SLC44A1: variants seen among roughly 807,000 people sequenced by gnomAD.
The protein encoded by SLC44A1 is choline transporter-like protein 1.
Under a neutral mutation model 79.3 loss-of-function variants are expected in SLC44A1, and 26 were observed. The ratio of observed to expected loss-of-function variants is 0.33; its 90% CI spans 0.24 to 0.46. The LOEUF (loss-of-function observed/expected upper bound fraction) is 0.46, where lower values mean the gene tolerates loss of function less well. Among genes scored for constraint, SLC44A1 ranks in the 20% least tolerant of loss-of-function variants. SLC44A1 has a pLI of 1.00. For synonymous variants in SLC44A1, 263 were observed against 286.2 expected (o/e 0.92, Z 0.82); for missense variants, 688 against 798.1 (o/e 0.86, Z 1.66).
At chr9:105,321,785 C>A (rs1826400306) in intron 3 of SLC44A1, among the ~76,000 whole-genome samples, 1 of 149,626 alleles carries the variant, frequency 6.7e-6, no homozygotes. Context: ...ATATGTGGGA[C>A]CAAATACAGA....
chr9:105,288,173 A>G (rs1428364174), intron 1 of SLC44A1, among the ~76,000 whole-genome samples: 3 of 152,206 alleles, frequency 2.0e-5, no homozygotes, highest in African/African-American at 7.2e-5. Context: ...TGTTTCTAAC[A>G]CAACTGTTTA....
At position 105,396,018 on chromosome 9, in the gene SLC44A1, A is replaced by G; in HGVS notation, c.*6962A>G. 1.0e-6 allele frequency: 1 copy of G among 984,934 alleles called. No homozygotes were observed. Among genetic ancestry groups the G allele is most frequent in the Non-Finnish European group, 1.2e-6 (1 of 829,888 alleles). 61.0% of individuals were successfully genotyped at this position (984,934 alleles called of 1,614,324 possible). The stretch of plus-strand genomic sequence containing the variant: ...TTAAGTAGATTTTCCCCCATCCTCT[A>G]GGTTCCTGTAGTCTGTGCTCAGAAC... On this transcript the variant is annotated 3_prime_UTR_variant, in exon 16 of 16. Transcript: ENST00000374720.
At position 105,293,615 on chromosome 9, in the gene SLC44A1, C is replaced by T. The variant is rs189237205; in HGVS notation, c.37-5605C>T. ...CCTTTTCTACTTAATTGGCCCCTGGCGTTGGCCCACCCTGCCTGCCATATC... is the reference window on the plus strand; with the variant it reads ...CCTTTTCTACTTAATTGGCCCCTGGTGTTGGCCCACCCTGCCTGCCATATC... On this transcript the variant is annotated intron_variant, in intron 1 of 15. Coordinates refer to ENST00000374720, the MANE Select transcript of SLC44A1 (RefSeq NM_080546.5). 1.7e-3 allele frequency among the ~76,000 whole-genome samples: 266 copies of T among 152,286 alleles called. 2 individuals are homozygous for T. Among genetic ancestry groups the T allele is most frequent in the African/African-American group, 6.2e-3 (257 of 41,546 alleles).
intron 3 of SLC44A1, among the ~76,000 whole-genome samples, chr9:105,331,509 GA>G (rs1826748490): frequency 6.6e-6 from 1 of 152,108 alleles, no homozygotes; most frequent in Non-Finnish European, 1.5e-5. Context: ...AGTGAAAACT[GA>G]AAAACTAATG....
Position 105,393,685 on chromosome 9 carries a change from T to C in SLC44A1, c.*4629T>C, listed in dbSNP as rs1828815386. ...TGTAAAGACAAATGATGATTCAGTT[T>C]CAATATTGCATGAACAATTGCCACT... On this transcript the variant is annotated 3_prime_UTR_variant, in exon 16 of 16. Transcript: ENST00000374720. 1.0e-6 allele frequency: 1 copy of C among 984,550 alleles called. No homozygotes were observed. 61.0% of individuals were successfully genotyped at this position (984,550 alleles called of 1,614,324 possible).
chr9:105,305,843 CTTT>C (rs748755778), intron 2 of SLC44A1, among the ~76,000 whole-genome samples: 2 of 84,958 alleles, frequency 2.4e-5, no homozygotes, highest in Non-Finnish European at 4.2e-5. Flanking sequence ...AAAGTGTGTC[CTTT>C]TTTTTTTTTT....
In SLC44A1 at chr9:105,282,548, A is replaced by AT. The variant is rs1016510358; in HGVS notation, c.37-16662dup. Among the ~76,000 whole-genome samples the AT allele has an allele frequency of 9.3e-3, 1,375 of 148,618 alleles. 19 individuals carry two copies. The highest frequency in any genetic ancestry group is 0.032 in the African/African-American group (1,293 of 40,522). ...CTTCTTAATAATAGATTGGGTCTTG[A>AT]TTTTTTTTTTCTTTTTTTGAGATGG... is the stretch of plus-strand genomic sequence containing the variant. On this transcript the variant is annotated intron_variant, in intron 1 of 15. Transcript: ENST00000374720.
At chr9:105,246,409 A>T (rs1326754445) in intron 1 of SLC44A1, among the ~76,000 whole-genome samples, 1 of 119,522 alleles carries the variant, frequency 8.4e-6, no homozygotes. Flanking sequence ...CTTACCCGTT[A>T]GCTTTTTTTT....
chr9:105,389,860 A>G lies in SLC44A1; in HGVS notation c.*804A>G. On this transcript the variant is annotated 3_prime_UTR_variant, in exon 16 of 16. Transcript: ENST00000374720. The stretch of plus-strand genomic sequence containing the variant: ...GCCTGATTTGAAAGGAAGCTGGGGC[A>G]CCCAGCGAGTTTAGCCTTTAAGTTT... 1.4e-6 allele frequency: 2 copies of G among 1,469,552 alleles called. No homozygotes were observed. The highest frequency in any genetic ancestry group is 2.7e-5 in the East Asian group (1 of 36,774). 91.0% of individuals were successfully genotyped at this position (1,469,552 alleles called of 1,614,324 possible). A position where few individuals can be genotyped will look rare whatever the true frequency, so the allele number is the denominator to read the frequency against.
intron 1 of SLC44A1, among the ~76,000 whole-genome samples, chr9:105,274,160 C>T (rs1008596762): frequency 1.3e-5 from 2 of 152,186 alleles, no homozygotes; most frequent in Admixed American, 6.5e-5. Flanking sequence ...TTCATTCATT[C>T]ACTAGATAAA....
chr9:105,400,003 C>T (rs928448958), downstream of SLC44A1, among the ~76,000 whole-genome samples: 3 of 151,738 alleles, frequency 2.0e-5, no homozygotes, highest in Non-Finnish European at 4.4e-5. Flanking sequence ...TGAGACCAGC[C>T]TGACCAACAT....
downstream of SLC44A1, among the ~76,000 whole-genome samples, chr9:105,398,026 T>C (rs555528049): frequency 6.6e-6 from 1 of 152,324 alleles, no homozygotes; most frequent in East Asian, 1.9e-4. Flanking sequence ...TCATTGTGCC[T>C]GGTTCAGTGC....
chr9:105,249,830 C>T (rs895241033), intron 1 of SLC44A1, among the ~76,000 whole-genome samples: 2 of 151,346 alleles, frequency 1.3e-5, no homozygotes, highest in Non-Finnish European at 2.9e-5. Context: ...CCTCCATGCC[C>T]GGCCAATTCC....
intron 1 of SLC44A1, among the ~76,000 whole-genome samples, chr9:105,265,347 A>G (rs1829936975): frequency 6.6e-6 from 1 of 152,138 alleles, no homozygotes; most frequent in African/African-American, 2.4e-5. Context: ...CTATTCCTGT[A>G]GTTTTGCTTT....
chr9:105,402,733 C>A (rs550175532), intron 15 of SLC44A1, among the ~76,000 whole-genome samples: 47 of 152,276 alleles, frequency 3.1e-4, no homozygotes, highest in African/African-American at 1.0e-3. Flanking sequence ...TCATGCTAAC[C>A]ATTGGTGTGC....
intron 15 of SLC44A1, among the ~76,000 whole-genome samples, chr9:105,437,419 G>GTATCTAGATACT (rs1214055969): frequency 6.6e-6 from 1 of 151,730 alleles, no homozygotes; most frequent in African/African-American, 2.4e-5. Flanking sequence ...GTCTAGATAA[G>GTATCTAGATACT]TATCTAGACA....
At chr9:105,430,926 CAAGTGT>C (rs1400757758) in intron 15 of SLC44A1, among the ~76,000 whole-genome samples, 3 of 152,184 alleles carry the variant, frequency 2.0e-5, no homozygotes, top group African/African-American at 7.2e-5. Flanking sequence ...ACATCCTCGA[CAAGTGT>C]AAGTTTCCAT....
chr9:105,305,955 A>G (rs1441025524), intron 2 of SLC44A1, among the ~76,000 whole-genome samples: 3 of 151,280 alleles, frequency 2.0e-5, no homozygotes, highest in African/African-American at 7.3e-5. Flanking sequence ...CAGTTCATTA[A>G]TGAGTAAATT....
intron 15 of SLC44A1, among the ~76,000 whole-genome samples, chr9:105,413,244 A>G (rs946830731): frequency 1.3e-5 from 2 of 152,170 alleles, no homozygotes; most frequent in Non-Finnish European, 2.9e-5. Flanking sequence ...TTTCATGAAT[A>G]TAACCCAGAT....
Sources: allele counts gnomAD v4.1 joint callset (sites outside exome capture counted in the v4.1 genomes callset), GRCh38; gene constraint gnomAD v4.1.1; transcripts MANE v1.5; gene names NCBI Gene and HGNC (gene_info 2026-07-23, HGNC 2026-07-21).